The following HOOK3 variants were observed in gnomAD, a reference collection of about 807,000 sequenced individuals.
HOOK3 encodes the protein protein Hook homolog 3.
A neutral mutation model predicts 116.3 loss-of-function variants in HOOK3; 24 were observed. The observed-to-expected ratio is 0.21, with a 90% CI of 0.15 to 0.29. The LOEUF is 0.29. Ranked by LOEUF, HOOK3 falls within the 10% of genes least tolerant of loss-of-function variation. The probability of loss-of-function intolerance (pLI) is 1.00; values close to 1 mark genes in which losing one functional copy is unlikely to be tolerated. For missense variants in HOOK3, 632 were observed against 830.2 expected (o/e 0.76, Z 2.93); for synonymous variants, 275 against 283.0 (o/e 0.97, Z 0.28).
intron 5 of HOOK3, among the ~76,000 whole-genome samples, chr8:42,947,810 T>C (rs1808263713): frequency 6.6e-6 from 1 of 152,048 alleles, no homozygotes; most frequent in Admixed American, 6.6e-5. Context: ...AAAATAAGGA[T>C]GTAAAAGCTG....
At chr8:42,992,710 C>CAAAAAA (rs35064772) in intron 15 of HOOK3, among the ~76,000 whole-genome samples, 4 of 56,582 alleles carry the variant, frequency 7.1e-5, no homozygotes, top group African/African-American at 1.2e-4. Flanking sequence ...GACTCCATCT[C>CAAAAAA]AAAAAAAAAA....
At chr8:42,956,689 A>G (rs1486627240) in intron 6 of HOOK3, among the ~76,000 whole-genome samples, 1 of 152,130 alleles carries the variant, frequency 6.6e-6, no homozygotes, top group Non-Finnish European at 1.5e-5. Context: ...GGTTCAAGTG[A>G]TTCTACTGCC....
chr8:42,947,362 A>C (rs1808248885), intron 5 of HOOK3, among the ~76,000 whole-genome samples: 1 of 152,174 alleles, frequency 6.6e-6, no homozygotes, highest in Non-Finnish European at 1.5e-5. Flanking sequence ...CTTAATATGT[A>C]GGGGGTCTTT....
At chr8:42,962,484 A>G (rs1808552217) in intron 8 of HOOK3, among the ~76,000 whole-genome samples, 1 of 147,602 alleles carries the variant, frequency 6.8e-6, no homozygotes, top group South Asian at 2.1e-4. Flanking sequence ...GTGGCTCACT[A>G]TAGCCTCGAC....
At chr8:42,931,242 C>A (rs1807866312) in intron 4 of HOOK3, among the ~76,000 whole-genome samples, 1 of 152,080 alleles carries the variant, frequency 6.6e-6, no homozygotes. Flanking sequence ...CTTTCTGTTA[C>A]CTCCTTACAG....
chr8:42,971,161 G>T (rs755677366), intron 11 of HOOK3, among the ~76,000 whole-genome samples: 2 of 151,994 alleles, frequency 1.3e-5, no homozygotes, highest in African/African-American at 4.8e-5. Flanking sequence ...ACAACTTGGA[G>T]TAAAAATAAT....
chr8:42,953,154 G>T (rs1808372314), intron 6 of HOOK3, among the ~76,000 whole-genome samples: 1 of 151,354 alleles, frequency 6.6e-6, no homozygotes, highest in Non-Finnish European at 1.5e-5. Flanking sequence ...AAAATTCCAG[G>T]CTTCTGTTAC....
chr8:42,919,620 G>A (rs1259079352), intron 2 of HOOK3, among the ~76,000 whole-genome samples: 3 of 152,204 alleles, frequency 2.0e-5, no homozygotes, highest in South Asian at 2.1e-4. Flanking sequence ...GTAGCCAGCC[G>A]AGATTACGCC....
intron 2 of HOOK3, among the ~76,000 whole-genome samples, chr8:42,915,934 C>T (rs933514379): frequency 6.6e-6 from 1 of 152,204 alleles, no homozygotes. Context: ...AATCAAAGTA[C>T]TTACAGTAGT....
rs544348425 is a variant in HOOK3 at position 42,925,764 on chromosome 8, A to T, written c.216+135A>T. ...GTAATGAAATAATGTAGAATTGAAG[A>T]TTGAACTCACCTGGAGTTGTACACC... On this transcript the variant is annotated intron_variant, in intron 3 of 21. Coordinates refer to ENST00000307602, the MANE Select transcript of HOOK3 (RefSeq NM_032410.4). The T allele has an allele frequency of 2.6e-4, 155 of 606,378 alleles. No homozygotes were observed. The African/African-American group carries it at 2.8e-3, about 11-fold the overall frequency. The allele number at this position is 606,378 out of a possible 1,614,324, so 37.6% of individuals were successfully genotyped here.
intron 11 of HOOK3, among the ~76,000 whole-genome samples, chr8:42,972,550 A>T (rs930827147): frequency 6.6e-6 from 1 of 152,078 alleles, no homozygotes; most frequent in Non-Finnish European, 1.5e-5. Flanking sequence ...GAACTATGAC[A>T]TGTGCCACCA....
intron 11 of HOOK3, among the ~76,000 whole-genome samples, chr8:42,970,110 G>A (rs892263966): frequency 2.6e-5 from 4 of 152,140 alleles, no homozygotes; most frequent in Non-Finnish European, 4.4e-5. Flanking sequence ...TTTGTGTAGG[G>A]TGTGAAGTAG....
intron 5 of HOOK3, among the ~76,000 whole-genome samples, chr8:42,945,777 G>A (rs2130389232): frequency 6.6e-6 from 1 of 152,262 alleles, no homozygotes; most frequent in East Asian, 1.9e-4. Flanking sequence ...TAGAATTAGA[G>A]AAGGCTATTC....
At chr8:42,989,005 A>G (rs989712846) in intron 15 of HOOK3, among the ~76,000 whole-genome samples, 7 of 152,244 alleles carry the variant, frequency 4.6e-5, no homozygotes, top group Admixed American at 2.0e-4. Context: ...CTCACTGCCC[A>G]TGTATGTCAC....
chr8:43,007,809 A>G, intron 17 of HOOK3, 38 bp from the exon 18 acceptor site: 1 of 1,289,930 alleles, frequency 7.8e-7, no homozygotes, highest in Non-Finnish European at 1.1e-6. Flanking sequence ...AAAAAATTAC[A>G]GAAGCAGTAG....
At chr8:43,017,786 G>A (rs934190883) in intron 21 of HOOK3, among the ~76,000 whole-genome samples, 4 of 152,100 alleles carry the variant, frequency 2.6e-5, no homozygotes, top group Non-Finnish European at 4.4e-5. Context: ...GTTAGTAGGC[G>A]ATCCTTCTCC....
intron 13 of HOOK3, among the ~76,000 whole-genome samples, chr8:42,974,987 C>T (rs115093915): frequency 1.2e-3 from 178 of 152,274 alleles, no homozygotes; most frequent in African/African-American, 4.1e-3. Flanking sequence ...CAAGAAAGGC[C>T]TCCTAGGCCC....
Position 43,028,155 on chromosome 8 carries a change from A to G in HOOK3, c.*9657A>G, listed in dbSNP as rs1377929383. The G allele has an allele frequency of 5.4e-6, 1 of 184,454 alleles. No individual in the cohort carries two copies. Among genetic ancestry groups the G allele is most frequent in the African/African-American group, 2.3e-5 (1 of 42,646 alleles). 11.4% of individuals were successfully genotyped at this position (184,454 alleles called of 1,614,324 possible). On this transcript the variant is annotated 3_prime_UTR_variant, in exon 22 of 22. Transcript: ENST00000307602. ...AAATCATTTTATAAATCATTTCTTA[A>G]TATCTTCAGTGTTTTTTCCCTTTTT...
At chr8:42,913,379 C>G (rs1307001589) in intron 2 of HOOK3, among the ~76,000 whole-genome samples, 1 of 152,124 alleles carries the variant, frequency 6.6e-6, no homozygotes, top group South Asian at 2.1e-4. Context: ...TAAATGGACT[C>G]AGTATGTTTT....
Sources: gnomAD v4.1 joint callset for allele counts (sites outside exome capture counted in the v4.1 genomes callset) on GRCh38, gnomAD v4.1.1 for gene constraint, MANE v1.5 for transcripts, NCBI Gene and HGNC (gene_info 2026-07-23, HGNC 2026-07-21) for gene names.